PAM: variants seen among roughly 807,000 people sequenced by gnomAD.
PAM encodes the protein peptidyl-glycine alpha-amidating monooxygenase.
PAM carries 72 observed loss-of-function variants against 122.1 expected under a neutral mutation model. That is an observed-to-expected ratio of 0.59 (90% CI 0.49 to 0.72). The LOEUF is 0.72. Among genes scored for constraint, PAM ranks in the 30% least tolerant of loss-of-function variants. The probability of loss-of-function intolerance (pLI) is 0.00; values close to 1 mark genes in which losing one functional copy is unlikely to be tolerated. For synonymous variants in PAM, 389 were observed against 404.4 expected (o/e 0.96, Z 0.46); for missense variants, 1,106 against 1,183.7 (o/e 0.93, Z 0.96).
At chr5:103,000,697 C>G (rs1272992450) in intron 16 of PAM, among the ~76,000 whole-genome samples, 1 of 152,118 alleles carries the variant, frequency 6.6e-6, no homozygotes, top group Non-Finnish European at 1.5e-5. Context: ...GAAGGGGAAG[C>G]AAACACGTCC....
At chr5:102,915,579 C>A (rs1802866480) in intron 5 of PAM, among the ~76,000 whole-genome samples, 1 of 152,102 alleles carries the variant, frequency 6.6e-6, no homozygotes, top group Non-Finnish European at 1.5e-5. Context: ...TCTGTGACAG[C>A]TTTTCCTGAA....
intron 3 of PAM, among the ~76,000 whole-genome samples, chr5:102,898,066 A>G (rs902037120): frequency 6.6e-6 from 1 of 151,602 alleles, no homozygotes; most frequent in African/African-American, 2.4e-5. Flanking sequence ...TGTTATAGTA[A>G]TAAAGCCTTT....
At chr5:102,903,439 C>G (rs61558700) in intron 4 of PAM, among the ~76,000 whole-genome samples, 4 of 151,450 alleles carry the variant, frequency 2.6e-5, no homozygotes, top group South Asian at 2.1e-4. Context: ...ATTTTGCATG[C>G]GTTATCTCGT....
intron 1 of PAM, among the ~76,000 whole-genome samples, chr5:102,839,097 A>G (rs1777847156): frequency 6.6e-6 from 1 of 152,212 alleles, no homozygotes; most frequent in Non-Finnish European, 1.5e-5. Flanking sequence ...TCCTGTACAG[A>G]ACCACCACCC....
chr5:102,820,664 C>A (rs1205070481), intron 1 of PAM, among the ~76,000 whole-genome samples: 2 of 152,042 alleles, frequency 1.3e-5, no homozygotes, highest in Non-Finnish European at 2.9e-5. Flanking sequence ...ATGTATTATG[C>A]ATAACAACAT....
intron 12 of PAM, among the ~76,000 whole-genome samples, chr5:102,957,194 T>C (rs991220159): frequency 6.6e-6 from 1 of 152,214 alleles, no homozygotes; most frequent in Non-Finnish European, 1.5e-5. Context: ...AATAGCTTTA[T>C]ATAGCTTTAC....
intron 12 of PAM, among the ~76,000 whole-genome samples, chr5:102,953,105 T>C (rs1331580016): frequency 6.6e-6 from 1 of 152,186 alleles, no homozygotes; most frequent in Non-Finnish European, 1.5e-5. Context: ...TAGGAAGATT[T>C]ACAGTTGAGT....
chr5:102,868,168 A>C (rs977756350), intron 3 of PAM, among the ~76,000 whole-genome samples: 1 of 152,228 alleles, frequency 6.6e-6, no homozygotes, highest in African/African-American at 2.4e-5. Flanking sequence ...CTCCTTTTGA[A>C]GGGCTGCAGA....
intron 12 of PAM, among the ~76,000 whole-genome samples, chr5:102,954,312 C>A (rs1759997375): frequency 6.6e-6 from 1 of 151,892 alleles, no homozygotes; most frequent in Non-Finnish European, 1.5e-5. Flanking sequence ...TCCCACTCTT[C>A]CCTCCTGAGT....
chr5:102,895,091 C>T (rs1407817426), intron 3 of PAM, among the ~76,000 whole-genome samples: 1 of 151,752 alleles, frequency 6.6e-6, no homozygotes, highest in African/African-American at 2.4e-5. Flanking sequence ...TGTGCCACAT[C>T]TACATGCCCA....
chr5:102,860,840 T>C (rs1390717115), intron 1 of PAM, among the ~76,000 whole-genome samples: 3 of 152,148 alleles, frequency 2.0e-5, no homozygotes, highest in Admixed American at 2.0e-4. Flanking sequence ...GTCACAATCA[T>C]AGCCACTTAA....
chr5:102,878,649 T>C (rs1789958282), intron 3 of PAM, among the ~76,000 whole-genome samples: 1 of 152,092 alleles, frequency 6.6e-6, no homozygotes, highest in African/African-American at 2.4e-5. Context: ...AGGTGGAAGA[T>C]AGTGCTATTA....
chr5:102,898,582 A>T (rs1001001840), intron 3 of PAM, among the ~76,000 whole-genome samples: 1 of 151,798 alleles, frequency 6.6e-6, no homozygotes, highest in South Asian at 2.1e-4. Flanking sequence ...TAGTGACAAA[A>T]TTAAATGGCT....
At chr5:102,922,865 T>C (rs1458195428) in intron 5 of PAM, among the ~76,000 whole-genome samples, 2 of 152,222 alleles carry the variant, frequency 1.3e-5, no homozygotes, top group Admixed American at 6.5e-5. Context: ...TCTTTAACTA[T>C]TATAGCTGAG....
intron 24 of PAM, 69 bp downstream of exon 24, chr5:103,025,403 G>C (rs1453797596): frequency 8.0e-7 from 1 of 1,255,762 alleles, no homozygotes; most frequent in Non-Finnish European, 1.2e-6. Context: ...TTATCCTCAG[G>C]AGTTTGATTG....
chr5:103,003,573 A>G (rs1223761809), intron 17 of PAM, among the ~76,000 whole-genome samples: 1 of 152,208 alleles, frequency 6.6e-6, no homozygotes, highest in Non-Finnish European at 1.5e-5. Context: ...AAATGTATAC[A>G]ATTAAAATTT....
chr5:102,876,500 CT>C (rs1346742916), intron 3 of PAM, among the ~76,000 whole-genome samples: 7 of 152,182 alleles, frequency 4.6e-5, no homozygotes, highest in African/African-American at 1.7e-4. Context: ...TCCTGGCCTC[CT>C]TTCCCACTTT....
chr5:102,816,051 G>C (rs1418867836), intron 1 of PAM, among the ~76,000 whole-genome samples: 3 of 152,064 alleles, frequency 2.0e-5, no homozygotes, highest in African/African-American at 7.2e-5. Flanking sequence ...AAAAGAAAAA[G>C]ATCATTCTTG....
intron 4 of PAM, among the ~76,000 whole-genome samples, chr5:102,909,296 A>G (rs772794441): frequency 6.6e-6 from 1 of 151,866 alleles, no homozygotes; most frequent in Non-Finnish European, 1.5e-5. Context: ...CTAAACTCAC[A>G]TGATATAATA....
Sources: gnomAD v4.1 joint callset for allele counts (sites outside exome capture counted in the v4.1 genomes callset) on GRCh38, gnomAD v4.1.1 for gene constraint, MANE v1.5 for transcripts, NCBI Gene and HGNC (gene_info 2026-07-23, HGNC 2026-07-21) for gene names.